Variants in SLC50A1 observed in about 807,000 individuals in gnomAD.
The protein encoded by SLC50A1 is sugar transporter SWEET1.
In SLC50A1, 22 loss-of-function variants were observed where a neutral mutation model predicts 28.9. That is an observed-to-expected ratio of 0.76 (90% CI 0.54 to 1.09). The LOEUF (loss-of-function observed/expected upper bound fraction) is 1.09, where lower values mean the gene tolerates loss of function less well. Among genes scored for constraint, SLC50A1 ranks in the 50% least tolerant of loss-of-function variants. SLC50A1 has a pLI of 0.00. For synonymous variants in SLC50A1, 96 were observed against 110.6 expected, an observed-to-expected ratio of 0.87 and a Z score of 0.83; for missense variants, 233 against 273.4, an observed-to-expected ratio of 0.85 and a Z score of 1.04.
chr1:155,136,137 G>A (rs1664441768), intron 1 of SLC50A1, 146 bp downstream of exon 1: 2 of 1,090,926 alleles, frequency 1.8e-6, no homozygotes, highest in African/African-American at 3.1e-5. Context: ...ACAAGGGCGA[G>A]GCTGGTCACT....
upstream of SLC50A1, chr1:155,135,674 G>A (rs111340792): frequency 3.7e-4 from 575 of 1,550,428 alleles, 1 homozygote; most frequent in African/African-American, 6.6e-3. Flanking sequence ...ACCGGGACAT[G>A]GAAGAGGTCT....
At position 155,138,187 on chromosome 1, in the gene SLC50A1, A is replaced by G. The variant is rs896550701; in HGVS notation, c.572A>G (p.Asn191Ser). ...CAGTTCTTGTGATTTCAGGTGTCCA[A>G]CTTTCCAGGAATCGTCACCAGCTTT... ...RLRDPYIMVS[N>S]FPGIVTSFIR... Residue 191 changes from asparagine to serine, a missense_variant, in exon 6 of 6, where the codon AAC (asparagine) becomes AGC (serine). Asn to Ser is a conservative substitution (Grantham distance 46). Transcript: ENST00000368404. 2.5e-6 allele frequency: 4 copies of G among 1,614,170 alleles called. No homozygotes were observed. The highest frequency in any genetic ancestry group is 2.2e-5 in the East Asian group (1 of 44,880).
At chr1:155,136,262 T>TACCAC in intron 1 of SLC50A1, 37 bp from the exon 2 acceptor site, 2 of 1,377,016 alleles carry the variant, frequency 1.5e-6, no homozygotes. Context: ...GCTTCTCCCT[T>TACCAC]CCCACCCCCA....
intron 1 of SLC50A1, 107 bp from the exon 2 acceptor site, chr1:155,136,192 G>GGGGGGGC: frequency 1.3e-6 from 1 of 785,626 alleles, no homozygotes; most frequent in South Asian, 1.5e-5. Context: ...GGGAGAGGGG[G>GGGGGGGC]CGGGGTCTGC....
At chr1:155,136,412 A>G (rs774668243) in intron 2 of SLC50A1, 36 bp downstream of exon 2, 12 of 1,556,844 alleles carry the variant, frequency 7.7e-6, no homozygotes, top group Middle Eastern at 1.7e-4. Flanking sequence ...GGGAAAGGCT[A>G]CCAGAGGGAG....
At chr1:155,135,786 C>T, upstream of SLC50A1, 1 of 1,553,506 alleles carries the variant, frequency 6.4e-7, no homozygotes, top group East Asian at 2.4e-5. Flanking sequence ...AGGGACGGCC[C>T]GAGCGTGCGG....
At chr1:155,135,641 G>A (rs758408900), upstream of SLC50A1, 3 of 1,550,386 alleles carry the variant, frequency 1.9e-6, no homozygotes, top group African/African-American at 2.7e-5. Flanking sequence ...GGACACACCC[G>A]CGGAGCCCTA....
rs769266045 is a variant in SLC50A1 at position 155,135,889 on chromosome 1, C to A, written c.-23C>A. 6.2e-7 allele frequency: 1 copy of A among 1,608,038 alleles called. No homozygotes were observed. Among genetic ancestry groups the A allele is most frequent in the Non-Finnish European group, 8.5e-7 (1 of 1,177,942 alleles). On this transcript the variant is annotated 5_prime_UTR_variant, in exon 1 of 6. Coordinates refer to ENST00000368404, the MANE Select transcript of SLC50A1 (RefSeq NM_018845.4). ...CCGCAGGCTCGCGGCGGGCGCTGGG[C>A]GCGGGATCCGACTCTAGTCGTAATG...
In SLC50A1 at chr1:155,135,852, A is replaced by G. The variant is rs569989890; in HGVS notation, c.-60A>G. 5.6e-6 allele frequency: 9 copies of G among 1,608,962 alleles called. No homozygotes were observed. The South Asian group carries it at 7.7e-5, about 14-fold the overall frequency. ...CAGAGCCGCAGGTCTGGGCTGCAGT[A>G]GGTCCCGGCAACCGCAGGCTCGCGG... On this transcript the variant is annotated 5_prime_UTR_variant, in exon 1 of 6. Transcript: ENST00000368404.
At chr1:155,136,125 G>A in intron 1 of SLC50A1, 134 bp downstream of exon 1, 1 of 972,642 alleles carries the variant, frequency 1.0e-6, no homozygotes, top group Non-Finnish European at 1.4e-6. Flanking sequence ...GGGGACCGGG[G>A]TACAAGGGCG....
In SLC50A1 at chr1:155,136,356, C is replaced by G. The variant is rs1007889301; in HGVS notation, c.138C>G (p.Pro46=). The G allele has an allele frequency of 1.2e-6, 2 of 1,612,360 alleles. No individual in the cohort carries two copies. The highest frequency in any genetic ancestry group is 2.7e-5 in the African/African-American group (2 of 74,838). The change falls in exon 2 of 6, where the codon CCC becomes CCG. Residue 46 remains proline, a synonymous_variant. Coordinates refer to ENST00000368404, the MANE Select transcript of SLC50A1 (RefSeq NM_018845.4). Reference sequence around the variant, plus strand: ...GTGTGGACAACGTCCAGTTCCTGCCCTTTCTCACCACGGAAGTCAAGTGAG... The same window carrying G: ...GTGTGGACAACGTCCAGTTCCTGCCGTTTCTCACCACGGAAGTCAAGTGAG... ...TRSVDNVQFL[P]FLTTEVNNLG...
chr1:155,136,245 G>A, intron 1 of SLC50A1, 54 bp from the exon 2 acceptor site: 1 of 1,256,334 alleles, frequency 8.0e-7, no homozygotes, highest in Non-Finnish European at 1.1e-6. Context: ...TCCCCCTCTA[G>A]CACTCTGCTT....
chr1:155,137,548 C>G lies in SLC50A1; in HGVS notation c.283-13C>G. The G allele has an allele frequency of 6.2e-7, 1 of 1,613,698 alleles. No homozygotes were observed. Among genetic ancestry groups the G allele is most frequent in the Non-Finnish European group, 8.5e-7 (1 of 1,179,778 alleles). ...GTGCACATCTGGAAGTAAGGGTACT[C>G]TCTCCCCTGCAGCGTGTTGTGCTCC... On this transcript the variant is annotated splice_polypyrimidine_tract_variant and intron_variant, in intron 3 of 5. Transcript: ENST00000368404.
In SLC50A1 at chr1:155,135,855, T is replaced by C. The variant is rs1239662423; in HGVS notation, c.-57T>C. On this transcript the variant is annotated 5_prime_UTR_variant, in exon 1 of 6. Transcript: ENST00000368404. ...AGCCGCAGGTCTGGGCTGCAGTAGG[T>C]CCCGGCAACCGCAGGCTCGCGGCGG... 6.2e-7 allele frequency: 1 copy of C among 1,609,556 alleles called. No homozygotes were observed. The highest frequency in any genetic ancestry group is 8.5e-7 in the Non-Finnish European group (1 of 1,178,216).
At chr1:155,136,186 G>GA in intron 1 of SLC50A1, 113 bp from the exon 2 acceptor site, 1 of 567,834 alleles carries the variant, frequency 1.8e-6, no homozygotes. Flanking sequence ...GCGGGGGGGA[G>GA]AGGGGGCGGG....
At chr1:155,135,764 C>T (rs1256377057), upstream of SLC50A1, 8 of 1,549,924 alleles carry the variant, frequency 5.2e-6, no homozygotes, top group Non-Finnish European at 7.0e-6. Flanking sequence ...GGGGCTTCGG[C>T]GCAGTTTCCG....
chr1:155,136,400 G>A (rs922801738), intron 2 of SLC50A1, 24 bp downstream of exon 2: 17 of 1,605,740 alleles, frequency 1.1e-5, no homozygotes, highest in African/African-American at 2.7e-5. Context: ...GGCTGCGGTA[G>A]TGGGAAAGGC....
In SLC50A1 at chr1:155,135,861, C is replaced by A. The variant is rs1401627614; in HGVS notation, c.-51C>A. The A allele has an allele frequency of 1.9e-6, 3 of 1,610,976 alleles. No individual in the cohort carries two copies. The highest frequency in any genetic ancestry group is 1.7e-6 in the Non-Finnish European group (2 of 1,178,836). ...AGGTCTGGGCTGCAGTAGGTCCCGGCAACCGCAGGCTCGCGGCGGGCGCTG... is the reference window on the plus strand; with the variant it reads ...AGGTCTGGGCTGCAGTAGGTCCCGGAAACCGCAGGCTCGCGGCGGGCGCTG... On this transcript the variant is annotated 5_prime_UTR_variant, in exon 1 of 6. Coordinates refer to ENST00000368404, the MANE Select transcript of SLC50A1 (RefSeq NM_018845.4).
rs760650973 is a variant in SLC50A1 at position 155,138,487 on chromosome 1, GA to G, written c.*207del. ...ATGAAATCACTTTTTATTTTTTAGA[GA>G]TTTTTTTTTTTAATTTTGGAGGTTG... is the stretch of plus-strand genomic sequence containing the variant. On this transcript the variant is annotated 3_prime_UTR_variant, in exon 6 of 6. Coordinates refer to ENST00000368404, the MANE Select transcript of SLC50A1 (RefSeq NM_018845.4). 11 of 576,008 alleles carry G rather than the reference GA, an allele frequency of 1.9e-5. No homozygotes were observed. Among genetic ancestry groups the G allele is most frequent in the Admixed American group, 1.3e-4 (4 of 31,894 alleles). 35.7% of individuals were successfully genotyped at this position (576,008 alleles called of 1,614,324 possible).
Sources: allele counts gnomAD v4.1 joint callset, GRCh38; gene constraint gnomAD v4.1.1; transcripts MANE v1.5; gene names NCBI Gene and HGNC (gene_info 2026-07-23, HGNC 2026-07-21).